Variants in DLGAP2 observed in about 807,000 individuals in gnomAD.
DLGAP2 encodes the protein DLG associated protein 2.
A neutral mutation model predicts 100.3 loss-of-function variants in DLGAP2; 26 were observed. The observed-to-expected ratio is 0.26, with a 90% confidence interval of 0.19 to 0.36. The LOEUF (loss-of-function observed/expected upper bound fraction) is 0.36. DLGAP2 is among the 10% of genes least tolerant of loss of function. DLGAP2 has a pLI of 1.00. For missense variants in DLGAP2, 1,858 were observed against 1,453.2 expected, an observed-to-expected ratio of 1.28 and a Z score of -4.53; for synonymous variants, 886 against 630.1, an observed-to-expected ratio of 1.41 and a Z score of -6.08.
At position 1,280,148 on chromosome 8, in the gene DLGAP2, C is replaced by G. The variant is rs901714024; in HGVS notation, c.106+21265C>G. 5.5e-4 allele frequency among the ~76,000 whole-genome samples: 84 copies of G among 152,238 alleles called. No individual in the cohort carries two copies. The Middle Eastern group carries it at 0.01, about 18-fold the overall frequency. ...ATGTGGCTTCAGGGGTCGCATAATTCCTTTCATTCATTCCTGATGGTTTTT... is the reference window on the plus strand; with the variant it reads ...ATGTGGCTTCAGGGGTCGCATAATTGCTTTCATTCATTCCTGATGGTTTTT... On this transcript the variant is annotated intron_variant, in intron 3 of 14. Coordinates refer to ENST00000637795, the MANE Select transcript of DLGAP2 (RefSeq NM_001346810.2).
chr8:1,686,560 G>A (rs946693169), intron 12 of DLGAP2, among the ~76,000 whole-genome samples: 3 of 152,096 alleles, frequency 2.0e-5, no homozygotes, highest in African/African-American at 7.2e-5. Context: ...CCCAATCCCA[G>A]CTACTCAGGA....
At chr8:1,445,218 C>G (rs1321343825) in intron 3 of DLGAP2, among the ~76,000 whole-genome samples, 6 of 143,246 alleles carry the variant, frequency 4.2e-5, no homozygotes, top group Admixed American at 6.9e-5. Context: ...AGGTATATCT[C>G]CTAATGCTAT....
chr8:1,438,435 T>G (rs1797715537), intron 3 of DLGAP2, among the ~76,000 whole-genome samples: 1 of 152,212 alleles, frequency 6.6e-6, no homozygotes, highest in South Asian at 2.1e-4. Context: ...AAGAATAAAA[T>G]TGCTAATTTA....
intron 2 of DLGAP2, among the ~76,000 whole-genome samples, chr8:1,205,775 A>G (rs1015923545): frequency 7.2e-5 from 11 of 152,130 alleles, no homozygotes; most frequent in Non-Finnish European, 1.3e-4. Context: ...CTGTGCCGTG[A>G]CTGGAAATTC....
intron 1 of DLGAP2, among the ~76,000 whole-genome samples, chr8:815,506 G>A (rs183861299): frequency 5.1e-4 from 78 of 152,280 alleles, no homozygotes; most frequent in East Asian, 5.0e-3. Context: ...AGATGGATAC[G>A]TTGTATCACC....
chr8:1,254,823 A>T (rs547094805), intron 2 of DLGAP2, among the ~76,000 whole-genome samples: 3 of 141,080 alleles, frequency 2.1e-5, no homozygotes, highest in Non-Finnish European at 4.7e-5. Context: ...TCCCACAAAG[A>T]CCGCTCCTGA....
At position 838,464 on chromosome 8, in the gene DLGAP2, G is replaced by C. The variant is rs927817908; in HGVS notation, c.19-69448G>C. Among the ~76,000 whole-genome samples, 8 of 151,168 alleles carry C rather than the reference G, an allele frequency of 5.3e-5. No individual in the cohort carries two copies. The South Asian group carries it at 8.4e-4, about 16-fold the overall frequency. ...CTGAAAAATTTCATTGTACAGCCAG[G>C]GTTGTGAACCACTACTGTACATTGA... On this transcript the variant is annotated intron_variant, in intron 1 of 14. Transcript: ENST00000637795.
chr8:1,637,764 G>A (rs7001574), intron 8 of DLGAP2, among the ~76,000 whole-genome samples: 55,196 of 152,090 alleles, frequency 0.36, 13,036 homozygotes, highest in African/African-American at 0.68. Context: ...CATTGGCCCC[G>A]AAGGCCTAAA....
chr8:1,141,270 G>A (rs1318716590), intron 2 of DLGAP2, among the ~76,000 whole-genome samples: 5 of 152,174 alleles, frequency 3.3e-5, no homozygotes, highest in Non-Finnish European at 5.9e-5. Context: ...AGCGTTGAAA[G>A]TTGAATACTT....
intron 2 of DLGAP2, among the ~76,000 whole-genome samples, chr8:930,957 G>C (rs534867400): frequency 6.6e-6 from 1 of 152,370 alleles, no homozygotes; most frequent in South Asian, 2.1e-4. Flanking sequence ...GGGAAGGGCA[G>C]AGGTTTGGGG....
chr8:1,291,695 C>T (rs914577365), intron 3 of DLGAP2, among the ~76,000 whole-genome samples: 2 of 152,136 alleles, frequency 1.3e-5, no homozygotes, highest in African/African-American at 4.8e-5. Context: ...GTGGATGTCC[C>T]AGCAGAGCTC....
intron 2 of DLGAP2, among the ~76,000 whole-genome samples, chr8:1,210,193 G>A (rs1798074218): frequency 6.6e-6 from 1 of 152,072 alleles, no homozygotes; most frequent in Non-Finnish European, 1.5e-5. Flanking sequence ...GGCTCTGCTG[G>A]GCATGTGACA....
chr8:1,695,556 G>T lies in DLGAP2; in HGVS notation c.2797-1591G>T, dbSNP rs35655444. On this transcript the variant is annotated intron_variant, in intron 13 of 14. Coordinates refer to ENST00000637795, the MANE Select transcript of DLGAP2 (RefSeq NM_001346810.2). ...CGGCCCTACAGAAAGAGAGGGCACA[G>T]CCATGCCCGGCCCTACAGAAAGAGG... Among the ~76,000 whole-genome samples the T allele has an allele frequency of 4.2e-5, 6 of 141,336 alleles. No individual in the cohort carries two copies. The South Asian group carries it at 1.1e-3, about 27-fold the overall frequency. The allele number at this position is 141,336 out of a possible 152,430, so 92.7% of individuals were successfully genotyped here.
chr8:1,438,960 A>C (rs1399532724), intron 3 of DLGAP2, among the ~76,000 whole-genome samples: 1 of 152,238 alleles, frequency 6.6e-6, no homozygotes, highest in East Asian at 1.9e-4. Flanking sequence ...CATTTTGTTA[A>C]AATAAGATTG....
At chr8:908,351 A>G (rs938337791) in intron 2 of DLGAP2, among the ~76,000 whole-genome samples, 1 of 152,196 alleles carries the variant, frequency 6.6e-6, no homozygotes, top group Non-Finnish European at 1.5e-5. Flanking sequence ...TGTGTTTGGA[A>G]TCTGTTTGCA....
chr8:1,198,072 G>T (rs1188520402), intron 2 of DLGAP2, among the ~76,000 whole-genome samples: 1 of 152,088 alleles, frequency 6.6e-6, no homozygotes, highest in African/African-American at 2.4e-5. Context: ...CCAATTCTGT[G>T]GACTGTTACC....
chr8:975,793 C>G (rs2129013114), intron 2 of DLGAP2, among the ~76,000 whole-genome samples: 1 of 152,296 alleles, frequency 6.6e-6, no homozygotes, highest in South Asian at 2.1e-4. Context: ...TGGTGAGAAA[C>G]TGGACAATTT....
chr8:1,215,302 A>G (rs1798191590), intron 2 of DLGAP2, among the ~76,000 whole-genome samples: 1 of 152,228 alleles, frequency 6.6e-6, no homozygotes, highest in African/African-American at 2.4e-5. Context: ...ACATGTCAGC[A>G]CCTTCTGAGC....
At chr8:1,144,092 G>C (rs1168349542) in intron 2 of DLGAP2, among the ~76,000 whole-genome samples, 1 of 152,210 alleles carries the variant, frequency 6.6e-6, no homozygotes, top group African/African-American at 2.4e-5. Flanking sequence ...CCTGTGCTCA[G>C]AATGTGAGGA....
Sources: gnomAD v4.1 joint callset for allele counts (sites outside exome capture counted in the v4.1 genomes callset) on GRCh38, gnomAD v4.1.1 for gene constraint, MANE v1.5 for transcripts, NCBI Gene and HGNC (gene_info 2026-07-23, HGNC 2026-07-21) for gene names.